The following MKLN1 variants were observed in gnomAD, a reference collection of about 807,000 sequenced individuals.
The protein encoded by MKLN1 is muskelin.
Under a neutral mutation model 99.0 loss-of-function variants are expected in MKLN1, and 18 were observed. The ratio of observed to expected loss-of-function variants is 0.18; its 90% confidence interval spans 0.13 to 0.27. The LOEUF (loss-of-function observed/expected upper bound fraction) is 0.27, where lower values mean the gene tolerates loss of function less well. MKLN1 is among the 10% of genes least tolerant of loss of function. The pLI is 1.00. For synonymous variants in MKLN1, 288 were observed against 293.2 expected (o/e 0.98, Z 0.18); for missense variants, 621 against 875.9 (o/e 0.71, Z 3.67).
At chr7:131,473,666 G>A (rs918245489) in intron 16 of MKLN1, among the ~76,000 whole-genome samples, 1 of 152,154 alleles carries the variant, frequency 6.6e-6, no homozygotes, top group African/African-American at 2.4e-5. Context: ...TTACACTTCT[G>A]CGGAGTTTCC....
chr7:131,227,426 C>CCTCTTTCT (rs565694170), intron 3 of MKLN1, among the ~76,000 whole-genome samples: 2 of 130,382 alleles, frequency 1.5e-5, no homozygotes, highest in African/African-American at 5.8e-5. Flanking sequence ...TCTCTTTCTC[C>CCTCTTTCT]CTCTTTCTCT....
At chr7:131,449,117 G>C (rs1796103623) in intron 12 of MKLN1, among the ~76,000 whole-genome samples, 1 of 152,278 alleles carries the variant, frequency 6.6e-6, no homozygotes, top group East Asian at 1.9e-4. Context: ...TCTTTGAGGA[G>C]GTAATCTTTA....
intron 2 of MKLN1, among the ~76,000 whole-genome samples, chr7:131,386,014 C>CTTTTTTT (rs71174945): frequency 7.5e-6 from 1 of 132,956 alleles, no homozygotes. Flanking sequence ...GGTCTTCAGT[C>CTTTTTTT]TTTTTTTTTT....
chr7:131,189,490 G>A (rs1377116369), intron 2 of MKLN1, among the ~76,000 whole-genome samples: 2 of 151,296 alleles, frequency 1.3e-5, no homozygotes, highest in African/African-American at 4.9e-5. Context: ...TGCTTCTTAC[G>A]GTATTTCAGA....
At chr7:131,169,621 C>A (rs1206483648) in intron 2 of MKLN1, among the ~76,000 whole-genome samples, 1 of 152,104 alleles carries the variant, frequency 6.6e-6, no homozygotes, top group Non-Finnish European at 1.5e-5. Context: ...AAGTTAGATC[C>A]TTTCAACTGG....
intron 8 of MKLN1, among the ~76,000 whole-genome samples, chr7:131,422,035 A>G (rs1795209342): frequency 3.3e-5 from 5 of 152,186 alleles, no homozygotes; most frequent in Admixed American, 3.3e-4. Flanking sequence ...TAGAGTTTGA[A>G]CAACCAGGAA....
intron 3 of MKLN1, among the ~76,000 whole-genome samples, chr7:131,287,881 T>C (rs971426605): frequency 1.3e-5 from 2 of 152,046 alleles, no homozygotes; most frequent in African/African-American, 4.8e-5. Context: ...AAGGGGCTCT[T>C]CCCCCTTTGC....
At chr7:131,395,087 A>G (rs528677540) in intron 4 of MKLN1, among the ~76,000 whole-genome samples, 58 of 152,192 alleles carry the variant, frequency 3.8e-4, no homozygotes, top group African/African-American at 1.4e-3. Flanking sequence ...AGTGGTGGGT[A>G]CTTATCTTCC....
intron 3 of MKLN1, among the ~76,000 whole-genome samples, chr7:131,283,578 GCATGCAC>G (rs1416363803): frequency 6.6e-6 from 1 of 151,666 alleles, no homozygotes; most frequent in African/African-American, 2.4e-5. Context: ...GGGACTACAG[GCATGCAC>G]CACCACAGCT....
chr7:131,225,859 C>T (rs533289478), intron 3 of MKLN1, among the ~76,000 whole-genome samples: 2 of 152,256 alleles, frequency 1.3e-5, no homozygotes, highest in East Asian at 3.9e-4. Context: ...GTTTTCTGGA[C>T]TAATGCACTT....
intron 1 of MKLN1, among the ~76,000 whole-genome samples, chr7:131,110,887 C>G (rs1400542407): frequency 1.3e-5 from 2 of 152,224 alleles, no homozygotes; most frequent in Non-Finnish European, 2.9e-5. Flanking sequence ...TTCCAAGAGA[C>G]ATTGCAATAC....
intron 10 of MKLN1, among the ~76,000 whole-genome samples, chr7:131,438,477 C>G (rs1052551876): frequency 6.8e-5 from 10 of 147,612 alleles, no homozygotes; most frequent in Non-Finnish European, 1.5e-4. Flanking sequence ...ATTTGACATA[C>G]TAGATTAAAC....
At chr7:131,428,012 C>A (rs530981203) in intron 8 of MKLN1, among the ~76,000 whole-genome samples, 2 of 151,766 alleles carry the variant, frequency 1.3e-5, no homozygotes, top group Admixed American at 6.6e-5. Flanking sequence ...CCCCACCCCC[C>A]CAAAAAAAGT....
At chr7:131,151,075 C>A (rs1795882246) in intron 2 of MKLN1, among the ~76,000 whole-genome samples, 1 of 152,124 alleles carries the variant, frequency 6.6e-6, no homozygotes, top group African/African-American at 2.4e-5. Context: ...CTACAAATAT[C>A]CGTTAACTAT....
At chr7:131,130,810 G>C (rs762277073) in intron 1 of MKLN1, among the ~76,000 whole-genome samples, 4 of 152,112 alleles carry the variant, frequency 2.6e-5, no homozygotes, top group Non-Finnish European at 5.9e-5. Flanking sequence ...AGCACTTTGA[G>C]ATAGACTGAG....
chr7:131,242,708 C>T, intron 3 of MKLN1: 1 of 678,562 alleles, frequency 1.5e-6, no homozygotes, highest in Non-Finnish European at 2.8e-6. Flanking sequence ...GCCCCTACAG[C>T]CATGCTCTGG....
At chr7:131,293,214 C>T (rs1439663562) in intron 3 of MKLN1, among the ~76,000 whole-genome samples, 1 of 152,110 alleles carries the variant, frequency 6.6e-6, no homozygotes. Context: ...CCCAGCCATC[C>T]CAGCTGAGAT....
Position 131,194,011 on chromosome 7 carries a change from T to G in MKLN1, c.-296-8846T>G, listed in dbSNP as rs1011868175. On this transcript the variant is annotated intron_variant, in intron 2 of 7. Transcript: ENST00000416992. ...TTTTCTTGCTTTGTTTTGTTTTTTT[T>G]TTTTTTTTTCCAGAAACAGGATCTC... Among the ~76,000 whole-genome samples the G allele has an allele frequency of 8.6e-5, 13 of 151,068 alleles. No homozygotes were observed. In the East Asian group the frequency reaches 1.9e-3, roughly 22 times the overall value.
At chr7:131,145,005 A>AACC (rs140669273) in intron 2 of MKLN1, among the ~76,000 whole-genome samples, 6,473 of 151,906 alleles carry the variant, frequency 0.043, 202 homozygotes, top group African/African-American at 0.092. Flanking sequence ...CCACAACAAC[A>AACC]ACAACAACAA....
Sources: allele counts gnomAD v4.1 joint callset (sites outside exome capture counted in the v4.1 genomes callset), GRCh38; gene constraint gnomAD v4.1.1; transcripts MANE v1.5; gene names NCBI Gene and HGNC (gene_info 2026-07-23, HGNC 2026-07-21).